The following LAMA2 variants were observed in gnomAD, a reference collection of about 807,000 sequenced individuals.
The protein encoded by LAMA2 is laminin subunit alpha 2.
LAMA2 carries 269 observed loss-of-function variants against 364.8 expected under a neutral mutation model. That is an observed-to-expected ratio of 0.74 (90% confidence interval 0.67 to 0.82). The LOEUF is 0.82. Ranked by LOEUF, LAMA2 falls within the 40% of genes least tolerant of loss-of-function variation. LAMA2 has a pLI of 0.00. For synonymous variants in LAMA2, 1,379 were observed against 1,370.6 expected, an observed-to-expected ratio of 1.01 and a Z score of -0.14; for missense variants, 3,807 against 3,873.2, an observed-to-expected ratio of 0.98 and a Z score of 0.45.
At chr6:129,069,858 A>C (rs991518665) in intron 3 of LAMA2, among the ~76,000 whole-genome samples, 6 of 145,362 alleles carry the variant, frequency 4.1e-5, no homozygotes, top group South Asian at 2.2e-4. Context: ...TATATTAATT[A>C]TATGTACTAA....
At chr6:129,203,658 T>A (rs896645246) in intron 12 of LAMA2, among the ~76,000 whole-genome samples, 5 of 152,230 alleles carry the variant, frequency 3.3e-5, no homozygotes, top group African/African-American at 1.2e-4. Context: ...TTTTTCCTCC[T>A]TGATTTCCAT....
intron 1 of LAMA2, among the ~76,000 whole-genome samples, chr6:129,025,662 C>T (rs1415184441): frequency 1.3e-5 from 2 of 151,976 alleles, no homozygotes; most frequent in Admixed American, 6.6e-5. Context: ...ATATGATGTG[C>T]AAAATCATGC....
chr6:129,490,210 C>CTTAA (rs747200845), intron 56 of LAMA2, among the ~76,000 whole-genome samples: 1 of 152,180 alleles, frequency 6.6e-6, no homozygotes, highest in Non-Finnish European at 1.5e-5. Flanking sequence ...AGGGCAATCC[C>CTTAA]TTAATTAATA....
chr6:129,314,388 G>T (rs1774429010), intron 23 of LAMA2, among the ~76,000 whole-genome samples: 2 of 89,288 alleles, frequency 2.2e-5, no homozygotes, highest in South Asian at 8.1e-4. Flanking sequence ...GAAAGAGCGA[G>T]ACTCCGTCTC....
chr6:129,262,685 T>A (rs1787215193), intron 15 of LAMA2, among the ~76,000 whole-genome samples: 1 of 152,176 alleles, frequency 6.6e-6, no homozygotes, highest in Non-Finnish European at 1.5e-5. Flanking sequence ...AAACTTTCTG[T>A]CCCTAAATTC....
chr6:129,054,620 ATATACT>A (rs1422391924), intron 2 of LAMA2, among the ~76,000 whole-genome samples: 1 of 150,834 alleles, frequency 6.6e-6, no homozygotes, highest in Non-Finnish European at 1.5e-5. Context: ...AGGTATATAC[ATATACT>A]TATGTATTTA....
chr6:129,454,366 A>G (rs1484289418), intron 47 of LAMA2, 78 bp downstream of exon 47: 2 of 1,154,276 alleles, frequency 1.7e-6, no homozygotes, highest in East Asian at 2.6e-5. Context: ...GAAAACTCCT[A>G]TTTCCATTTC....
intron 1 of LAMA2, among the ~76,000 whole-genome samples, chr6:128,895,183 C>T (rs1382789322): frequency 6.6e-6 from 1 of 152,116 alleles, no homozygotes; most frequent in African/African-American, 2.4e-5. Context: ...GTGGAAAAAG[C>T]AGGAAGTGTT....
chr6:128,894,072 A>G (rs891509790), intron 1 of LAMA2, among the ~76,000 whole-genome samples: 2 of 152,168 alleles, frequency 1.3e-5, no homozygotes, highest in African/African-American at 4.8e-5. Flanking sequence ...CTTTGATTCT[A>G]TACCAAAACT....
chr6:129,008,791 G>A (rs1424678502), intron 1 of LAMA2, among the ~76,000 whole-genome samples: 1 of 152,126 alleles, frequency 6.6e-6, no homozygotes, highest in Non-Finnish European at 1.5e-5. Context: ...GGCAGGACGA[G>A]AGATTACTTT....
At position 129,270,696 on chromosome 6, in the gene LAMA2, G is replaced by A. The variant is rs781772588; in HGVS notation, c.2395G>A (p.Gly799Arg). ...LPGFYGEPTK[G>R]TSEDCQPCAC... ...TGGTTTCTATGGCGAGCCTACTAAA[G>A]GAACCTCTGAAGACTGTCAACCCTG... The change falls in exon 17 of 65, where the codon GGA becomes AGA. Residue 799 changes from glycine (G) to arginine (R), a missense_variant. Physicochemically the swap from Gly to Arg is moderately radical, Grantham distance 125 (BLOSUM62 -2). This residue lies in a region of LAMA2 where 3,333 missense variants were observed against 3,345.7 expected (regional missense o/e 1.00). Coordinates refer to ENST00000421865, the MANE Select transcript of LAMA2 (RefSeq NM_000426.4). 1 of 1,613,166 alleles carries A rather than the reference G, an allele frequency of 6.2e-7. No homozygotes were observed. Among genetic ancestry groups the A allele is most frequent in the Non-Finnish European group, 8.5e-7 (1 of 1,179,484 alleles).
At chr6:129,283,660 C>A (rs899759123) in intron 18 of LAMA2, among the ~76,000 whole-genome samples, 1 of 151,034 alleles carries the variant, frequency 6.6e-6, no homozygotes, top group African/African-American at 2.4e-5. Context: ...GTTTTATCCT[C>A]AAGATTCATA....
chr6:128,995,202 C>T (rs1582842206), intron 1 of LAMA2, among the ~76,000 whole-genome samples: 1 of 152,120 alleles, frequency 6.6e-6, no homozygotes, highest in African/African-American at 2.4e-5. Flanking sequence ...TTTATTTTAT[C>T]AACTTTTATT....
At chr6:128,900,128 G>A (rs1000403750) in intron 1 of LAMA2, among the ~76,000 whole-genome samples, 1 of 152,144 alleles carries the variant, frequency 6.6e-6, no homozygotes, top group African/African-American at 2.4e-5. Context: ...CCTTGGATGT[G>A]TATGGTCTCT....
At chr6:129,242,354 C>T (rs187205145) in intron 12 of LAMA2, among the ~76,000 whole-genome samples, 3 of 152,208 alleles carry the variant, frequency 2.0e-5, no homozygotes, top group Admixed American at 2.0e-4. Context: ...AAGGATTATA[C>T]ATTTTCTTTT....
chr6:129,205,456 CTTCTG>C (rs1782564911), intron 12 of LAMA2, among the ~76,000 whole-genome samples: 1 of 142,632 alleles, frequency 7.0e-6, no homozygotes, highest in African/African-American at 2.8e-5. Flanking sequence ...ACATACTTCT[CTTCTG>C]GGAATTTATT....
At chr6:128,956,840 G>T (rs141565457) in intron 1 of LAMA2, among the ~76,000 whole-genome samples, 1 of 151,830 alleles carries the variant, frequency 6.6e-6, no homozygotes, top group Non-Finnish European at 1.5e-5. Context: ...CACCAAAATC[G>T]AATGATGGTA....
At chr6:129,416,473 T>A (rs899525376) in intron 40 of LAMA2, among the ~76,000 whole-genome samples, 2 of 152,076 alleles carry the variant, frequency 1.3e-5, no homozygotes, top group Admixed American at 6.5e-5. Context: ...TTGGTGGGAG[T>A]TATGTAACCA....
chr6:129,266,417 CA>C (rs2114342221), intron 15 of LAMA2, among the ~76,000 whole-genome samples: 1 of 152,130 alleles, frequency 6.6e-6, no homozygotes, highest in South Asian at 2.1e-4. Context: ...ATGAAAAATA[CA>C]AGCAAAGTTA....
Sources: allele counts gnomAD v4.1 joint callset (sites outside exome capture counted in the v4.1 genomes callset), GRCh38; gene constraint gnomAD v4.1.1; regional missense constraint gnomAD v4.1.1; transcripts MANE v1.5; gene names NCBI Gene and HGNC (gene_info 2026-07-23, HGNC 2026-07-21).